ANKRD6: variants seen among roughly 807,000 people sequenced by gnomAD.
The protein encoded by ANKRD6 is ankyrin repeat domain-containing protein 6.
ANKRD6 carries 56 observed loss-of-function variants against 82.3 expected under a neutral mutation model. That is an observed-to-expected ratio of 0.68 (90% CI 0.55 to 0.85). The LOEUF (loss-of-function observed/expected upper bound fraction) is 0.85. ANKRD6 is among the 40% of genes least tolerant of loss of function. The pLI is 0.00. For missense variants in ANKRD6, 852 were observed against 907.6 expected, an observed-to-expected ratio of 0.94 and a Z score of 0.79; for synonymous variants, 347 against 352.1, an observed-to-expected ratio of 0.99 and a Z score of 0.16.
At chr6:89,597,921 C>G (rs1421020290) in intron 3 of ANKRD6, among the ~76,000 whole-genome samples, 1 of 152,106 alleles carries the variant, frequency 6.6e-6, no homozygotes, top group African/African-American at 2.4e-5. Flanking sequence ...TGATGACCAG[C>G]CTTGAAATAC....
chr6:89,613,264 A>G (rs1434525127), intron 6 of ANKRD6, among the ~76,000 whole-genome samples: 2 of 152,110 alleles, frequency 1.3e-5, no homozygotes, highest in Non-Finnish European at 2.9e-5. Flanking sequence ...AGCTCCATAT[A>G]GGATATTGGG....
intron 1 of ANKRD6, among the ~76,000 whole-genome samples, chr6:89,500,105 G>A (rs1779097475): frequency 6.6e-6 from 1 of 150,922 alleles, no homozygotes; most frequent in East Asian, 1.9e-4. Context: ...TCCCACCTCT[G>A]GTGGCTCTTT....
intron 1 of ANKRD6, among the ~76,000 whole-genome samples, chr6:89,514,143 C>T (rs758319183): frequency 6.6e-6 from 1 of 152,096 alleles, no homozygotes; most frequent in Non-Finnish European, 1.5e-5. Flanking sequence ...TTTGGGAAGC[C>T]GAGGTGGGCA....
chr6:89,450,678 CTT>C (rs1190254489), intron 1 of ANKRD6, among the ~76,000 whole-genome samples: 4 of 143,700 alleles, frequency 2.8e-5, no homozygotes, highest in Non-Finnish European at 3.1e-5. Flanking sequence ...CCACTGCAGA[CTT>C]TTTTTTTTTT....
At chr6:89,512,491 G>A (rs566733311) in intron 1 of ANKRD6, among the ~76,000 whole-genome samples, 2 of 152,312 alleles carry the variant, frequency 1.3e-5, no homozygotes, top group East Asian at 1.9e-4. Context: ...GTTAGGGGGC[G>A]GAGTGCAGTC....
chr6:89,480,311 A>C (rs2127806217), intron 1 of ANKRD6, among the ~76,000 whole-genome samples: 1 of 152,272 alleles, frequency 6.6e-6, no homozygotes, highest in Admixed American at 6.5e-5. Flanking sequence ...CAGCATATCT[A>C]CTGTAATAGA....
At chr6:89,607,652 A>G (rs142207273) in intron 5 of ANKRD6, among the ~76,000 whole-genome samples, 8 of 130,234 alleles carry the variant, frequency 6.1e-5, no homozygotes, top group Non-Finnish European at 1.3e-4. Flanking sequence ...TTGGGAGAAG[A>G]GACTTTTTTT....
At chr6:89,550,042 G>A (rs998139939) in intron 1 of ANKRD6, among the ~76,000 whole-genome samples, 1 of 152,158 alleles carries the variant, frequency 6.6e-6, no homozygotes, top group South Asian at 2.1e-4. Context: ...GCTGTAATAA[G>A]TTCTGATTGT....
chr6:89,559,441 CT>C (rs1452567074), intron 1 of ANKRD6, among the ~76,000 whole-genome samples: 12 of 152,200 alleles, frequency 7.9e-5, no homozygotes, highest in Non-Finnish European at 5.9e-5. Flanking sequence ...TCCACAGTTC[CT>C]TATGCCCATC....
chr6:89,612,179 T>TC, intron 5 of ANKRD6, 93 bp from the exon 6 acceptor site: 2 of 1,148,190 alleles, frequency 1.7e-6, no homozygotes, highest in Non-Finnish European at 2.5e-6. Flanking sequence ...CGTTGCCTTT[T>TC]CCCCCGAGTA....
intron 1 of ANKRD6, among the ~76,000 whole-genome samples, chr6:89,543,785 C>T (rs1309195305): frequency 7.2e-5 from 11 of 152,178 alleles, no homozygotes; most frequent in South Asian, 6.2e-4. Context: ...AGGTAACACA[C>T]GTGTCAGTTT....
intron 4 of ANKRD6, among the ~76,000 whole-genome samples, chr6:89,603,683 A>G (rs772822962): frequency 1.1e-4 from 16 of 152,000 alleles, no homozygotes; most frequent in Non-Finnish European, 2.2e-4. Flanking sequence ...TATTGCAGGG[A>G]AAAAAAAGTA....
intron 1 of ANKRD6, among the ~76,000 whole-genome samples, chr6:89,544,739 C>A (rs1784864026): frequency 1.3e-5 from 2 of 151,580 alleles, no homozygotes; most frequent in South Asian, 4.2e-4. Context: ...AAACAAAAAA[C>A]AAACAAAAAA....
chr6:89,530,708 AAG>A (rs1783041624), intron 1 of ANKRD6, among the ~76,000 whole-genome samples: 2 of 152,212 alleles, frequency 1.3e-5, no homozygotes, highest in South Asian at 4.1e-4. Context: ...TGGAGGAATA[AAG>A]AATGTGGTAA....
chr6:89,627,519 C>G, intron 13 of ANKRD6, 64 bp from the exon 14 acceptor site: 8 of 1,512,966 alleles, frequency 5.3e-6, no homozygotes, highest in Non-Finnish European at 7.3e-6. Flanking sequence ...TCTGCAGGAG[C>G]TGAGAAGCCA....
At chr6:89,477,770 CAAAAA>C (rs772097321) in intron 1 of ANKRD6, among the ~76,000 whole-genome samples, 1 of 51,912 alleles carries the variant, frequency 1.9e-5, no homozygotes. Context: ...GACTCCGTCT[CAAAAA>C]AAAAAAAAAA....
At chr6:89,603,349 G>A (rs1419459785) in intron 4 of ANKRD6, among the ~76,000 whole-genome samples, 15 of 131,598 alleles carry the variant, frequency 1.1e-4, no homozygotes, top group African/African-American at 2.6e-4. Context: ...TTTTTGGAGA[G>A]AGGGTCTCAC....
chr6:89,629,052 G>C, intron 14 of ANKRD6, 60 bp from the exon 15 acceptor site: 1 of 1,536,718 alleles, frequency 6.5e-7, no homozygotes, highest in Non-Finnish European at 8.8e-7. Context: ...CATAAACCAT[G>C]TATCAAATTC....
At chr6:89,454,530 G>A (rs1435338242) in intron 1 of ANKRD6, among the ~76,000 whole-genome samples, 2 of 152,194 alleles carry the variant, frequency 1.3e-5, no homozygotes, top group East Asian at 1.9e-4. Context: ...GTCACTGATC[G>A]TGATGCACAT....
Sources: allele counts gnomAD v4.1 joint callset (sites outside exome capture counted in the v4.1 genomes callset), GRCh38; gene constraint gnomAD v4.1.1; transcripts MANE v1.5; gene names NCBI Gene and HGNC (gene_info 2026-07-23, HGNC 2026-07-21).